MAP3K9: variants seen among roughly 807,000 people sequenced by gnomAD.
The protein encoded by MAP3K9 is mixed lineage kinase 1 (tyr and ser/thr specificity).
A neutral mutation model predicts 95.8 loss-of-function variants in MAP3K9; 46 were observed. That is an observed-to-expected ratio of 0.48 (90% CI 0.38 to 0.61). The LOEUF (loss-of-function observed/expected upper bound fraction) is 0.61. Ranked by LOEUF, MAP3K9 falls within the 20% of genes least tolerant of loss-of-function variation. The probability of loss-of-function intolerance (pLI) is 0.00; values close to 1 mark genes in which losing one functional copy is unlikely to be tolerated. For synonymous variants in MAP3K9, 533 were observed against 593.8 expected (o/e 0.90, Z 1.49); for missense variants, 1,296 against 1,474.3 (o/e 0.88, Z 1.98).
At chr14:70,751,015 G>A (rs769778545) in intron 3 of MAP3K9, among the ~76,000 whole-genome samples, 1 of 151,234 alleles carries the variant, frequency 6.6e-6, no homozygotes, top group Non-Finnish European at 1.5e-5. Flanking sequence ...AGGTTGAATA[G>A]ATTTCTGCCC....
chr14:70,805,275 CCTT>C (rs61096709), intron 1 of MAP3K9, among the ~76,000 whole-genome samples: 1,891 of 152,264 alleles, frequency 0.012, 48 homozygotes, highest in African/African-American at 0.043. Context: ...GAAAATATGT[CCTT>C]CTATTTCTAG....
chr14:70,780,380 T>C lies in MAP3K9; in HGVS notation c.821-19198A>G, dbSNP rs529593390. ...TGACTCCTTTAACCAGCCCCAACTT[T>C]CTATGGGAACTTCACTTTCATCTCT... On this transcript the variant is annotated intron_variant, in intron 2 of 11. Transcript: ENST00000554752. Among the ~76,000 whole-genome samples, 43 of 152,300 alleles carry C rather than the reference T, an allele frequency of 2.8e-4. 4 individuals are homozygous for C. The Middle Eastern group carries it at 0.054, about 193-fold the overall frequency.
chr14:70,724,528 T>C lies in MAP3K9; in HGVS notation c.*5852A>G, dbSNP rs1436777295. On this transcript the variant is annotated 3_prime_UTR_variant, in exon 12 of 12. Transcript: ENST00000554752. ...TGAGGCCCTCACCTTGGGTTAAAAT[T>C]TAAAGGGGTGCCAAAAAAAAAAGAG... 8.5e-6 allele frequency: 1 copy of C among 118,166 alleles called. No individual in the cohort carries two copies. The highest frequency in any genetic ancestry group is 2.0e-5 in the Non-Finnish European group (1 of 50,992). The allele number at this position is 118,166 out of a possible 1,614,324, so 7.3% of individuals were successfully genotyped here. A position where few individuals can be genotyped will look rare whatever the true frequency, so the allele number is the denominator to read the frequency against.
intron 2 of MAP3K9, among the ~76,000 whole-genome samples, chr14:70,764,623 G>A (rs2054424386): frequency 6.6e-6 from 1 of 151,762 alleles, no homozygotes; most frequent in Non-Finnish European, 1.5e-5. Context: ...TTGAGCCCAG[G>A]AGCTGGAGAC....
chr14:70,764,932 TTTATG>T lies in MAP3K9; in HGVS notation c.821-3755_821-3751del, dbSNP rs572498533. ...TGTTTTTGTAAAGCTGTACAGTGTGTTTATGTTAAGCTCCATTGTTACAAAAGAGT... is the reference window on the plus strand; with the variant it reads ...TGTTTTTGTAAAGCTGTACAGTGTGTTTAAGCTCCATTGTTACAAAAGAGT... On this transcript the variant is annotated intron_variant, in intron 2 of 11. Transcript: ENST00000554752. 2.0e-4 allele frequency among the ~76,000 whole-genome samples: 30 copies of T among 152,328 alleles called. No individual in the cohort carries two copies. The South Asian group carries it at 6.0e-3, about 31-fold the overall frequency.
chr14:70,733,538 C>T (rs1052864084), intron 10 of MAP3K9, among the ~76,000 whole-genome samples, 196 bp from the exon 11 acceptor site: 1 of 152,226 alleles, frequency 6.6e-6, no homozygotes, highest in Non-Finnish European at 1.5e-5. Context: ...ACAGGGAAAC[C>T]ACTCTCCATT....
rs757933586 is a variant in MAP3K9 at position 70,748,808 on chromosome 14, T to TG, written c.1326+20dup. ...TTTTTCTTTTCGTTCGTTTTTTTGT[T>TG]GTTTTTTTTGTTTTGTTTACCTTTT... On this transcript the variant is annotated intron_variant, in intron 5 of 11. Transcript: ENST00000554752. 2.6e-6 allele frequency: 4 copies of TG among 1,558,178 alleles called. 1 individual carries two copies. The South Asian group carries it at 4.7e-5, about 18-fold the overall frequency.
chr14:70,753,430 T>TA (rs2054256858), intron 3 of MAP3K9, among the ~76,000 whole-genome samples: 1 of 152,198 alleles, frequency 6.6e-6, no homozygotes, highest in Non-Finnish European at 1.5e-5. Flanking sequence ...GTGGGTGATA[T>TA]AAATGAAGAC....
intron 2 of MAP3K9, among the ~76,000 whole-genome samples, chr14:70,774,750 GC>G (rs2054573994): frequency 6.6e-6 from 1 of 151,924 alleles, no homozygotes; most frequent in Non-Finnish European, 1.5e-5. Context: ...ACTGTGGGAG[GC>G]CGAGGCAGGT....
chr14:70,770,308 G>A (rs1266912183), intron 2 of MAP3K9, among the ~76,000 whole-genome samples: 1 of 151,804 alleles, frequency 6.6e-6, no homozygotes, highest in East Asian at 1.9e-4. Flanking sequence ...GGCCTCCCAT[G>A]TAGCTGGGAT....
At chr14:70,745,261 ATAGTG>A (rs1293815472) in intron 5 of MAP3K9, among the ~76,000 whole-genome samples, 1 of 152,214 alleles carries the variant, frequency 6.6e-6, no homozygotes, top group African/African-American at 2.4e-5. Flanking sequence ...TTAAAACAAA[ATAGTG>A]TAGAAAGGGA....
chr14:70,805,884 G>A (rs925147378), intron 1 of MAP3K9, among the ~76,000 whole-genome samples: 2 of 152,144 alleles, frequency 1.3e-5, no homozygotes, highest in African/African-American at 2.4e-5. Context: ...CTATGATTAT[G>A]CCACTGCACT....
At position 70,761,244 on chromosome 14, in the gene MAP3K9, A is replaced by T. The variant is rs1277728172; in HGVS notation, c.821-62T>A. 6.5e-6 allele frequency: 9 copies of T among 1,392,490 alleles called. No homozygotes were observed. In the East Asian group the frequency reaches 2.2e-4, roughly 35 times the overall value. The allele number at this position is 1,392,490 out of a possible 1,614,324, so 86.3% of individuals were successfully genotyped here. A position where few individuals can be genotyped will look rare whatever the true frequency, so the allele number is the denominator to read the frequency against. On this transcript the variant is annotated intron_variant, in intron 2 of 11. Transcript: ENST00000554752. ...TGCATTAATCACAGGGAAACCACAG[A>T]ACAGAACTCTTCTGCCATCCTCCTG...
At chr14:70,797,183 G>A (rs2054874028) in intron 2 of MAP3K9, among the ~76,000 whole-genome samples, 1 of 152,026 alleles carries the variant, frequency 6.6e-6, no homozygotes, top group Non-Finnish European at 1.5e-5. Context: ...TTTCTCGAAT[G>A]GTCAAAGTCA....
intron 7 of MAP3K9, among the ~76,000 whole-genome samples, chr14:70,739,166 G>T (rs566930279): frequency 6.6e-6 from 1 of 152,192 alleles, no homozygotes; most frequent in East Asian, 1.9e-4. Flanking sequence ...GTCTCACTCT[G>T]TCGCCCATGC....
chr14:70,778,873 C>T (rs1220557677), intron 2 of MAP3K9, among the ~76,000 whole-genome samples: 1 of 152,202 alleles, frequency 6.6e-6, no homozygotes. Context: ...ATGCCTTACC[C>T]TACCCCGTCC....
intron 6 of MAP3K9, 104 bp from the exon 7 acceptor site, chr14:70,740,268 T>C: frequency 7.9e-7 from 1 of 1,268,552 alleles, no homozygotes; most frequent in South Asian, 1.5e-5. Flanking sequence ...CAGGCCCCAG[T>C]TTCCTGAAAA....
At chr14:70,797,436 A>AATAATAATG (rs1196551056) in intron 2 of MAP3K9, among the ~76,000 whole-genome samples, 64 of 151,374 alleles carry the variant, frequency 4.2e-4, no homozygotes, top group African/African-American at 1.5e-3. Flanking sequence ...TAATAATAAT[A>AATAATAATG]ATAAAATTTT....
chr14:70,764,210 G>A lies in MAP3K9; in HGVS notation c.821-3028C>T, dbSNP rs1414354537. ...TCCGTCTCAAAAAAAAAAAAAAAAA[G>A]TTAACTGTAAAACGGCATCAGGCAG... On this transcript the variant is annotated intron_variant, in intron 2 of 11. Transcript: ENST00000554752. Among the ~76,000 whole-genome samples the A allele has an allele frequency of 1.8e-3, 146 of 82,992 alleles. 1 individual carries two copies. The highest frequency in any genetic ancestry group is 7.4e-3 in the Middle Eastern group (1 of 136). 54.4% of individuals were successfully genotyped at this position (82,992 alleles called of 152,430 possible). A position where few individuals can be genotyped will look rare whatever the true frequency, so the allele number is the denominator to read the frequency against.
Sources: allele counts gnomAD v4.1 joint callset (sites outside exome capture counted in the v4.1 genomes callset), GRCh38; gene constraint gnomAD v4.1.1; transcripts MANE v1.5; gene names NCBI Gene and HGNC (gene_info 2026-07-23, HGNC 2026-07-21).